The following ABHD17C variants were observed in gnomAD, a reference collection of about 807,000 sequenced individuals.
The protein encoded by ABHD17C is alpha/beta hydrolase domain-containing protein 17C.
Under a neutral mutation model 27.9 loss-of-function variants are expected in ABHD17C, and 11 were observed. The observed-to-expected ratio is 0.39, with a 90% confidence interval of 0.25 to 0.65. The LOEUF is 0.65. ABHD17C is among the 30% of genes least tolerant of loss of function. The probability of loss-of-function intolerance (pLI) is 0.45; values close to 1 mark genes in which losing one functional copy is unlikely to be tolerated. For synonymous variants in ABHD17C, 233 were observed against 209.1 expected (o/e 1.11, Z -0.98); for missense variants, 280 against 470.2 (o/e 0.60, Z 3.74).
At chr15:80,699,779 G>A (rs2141488002) in intron 1 of ABHD17C, among the ~76,000 whole-genome samples, 1 of 152,326 alleles carries the variant, frequency 6.6e-6, no homozygotes, top group East Asian at 1.9e-4. Flanking sequence ...TTGGCCAATA[G>A]ATGATTATTT....
rs550253104 is a variant in ABHD17C, at chr15:80,701,635, T to C, written c.590+5616T>C. Among the ~76,000 whole-genome samples, 334 of 149,420 alleles carry C rather than the reference T, an allele frequency of 2.2e-3. 1 individual carries two copies. Among genetic ancestry groups the C allele is most frequent in the African/African-American group, 7.9e-3 (319 of 40,440 alleles). Reference sequence around the variant, plus strand: ...CAGAGGTTGCAGTGAGCCAAGATTATGCCACTGCACTCCAGCCTGGGCGAC... The same window carrying C: ...CAGAGGTTGCAGTGAGCCAAGATTACGCCACTGCACTCCAGCCTGGGCGAC... On this transcript the variant is annotated intron_variant, in intron 1 of 2. Transcript: ENST00000258884.
At chr15:80,700,062 T>C (rs1043632133) in intron 1 of ABHD17C, among the ~76,000 whole-genome samples, 4 of 151,986 alleles carry the variant, frequency 2.6e-5, no homozygotes, top group Non-Finnish European at 4.4e-5. Context: ...GTCACTTGAG[T>C]TGGGGAAGTA....
At chr15:80,716,581 A>G in intron 1 of ABHD17C, among the ~76,000 whole-genome samples, 1 of 152,178 alleles carries the variant, frequency 6.6e-6, no homozygotes, top group African/African-American at 2.4e-5. Flanking sequence ...TGCCATTAAT[A>G]AAGGAAATCA....
intron 2 of ABHD17C, 66 bp from the exon 3 acceptor site, chr15:80,754,085 A>T (rs1895400435): frequency 8.3e-7 from 1 of 1,200,352 alleles, no homozygotes; most frequent in Non-Finnish European, 1.2e-6. Flanking sequence ...ATTAAATGTG[A>T]TGTGTATTAT....
chr15:80,715,917 C>G (rs1044335171), intron 1 of ABHD17C, among the ~76,000 whole-genome samples: 2 of 151,496 alleles, frequency 1.3e-5, no homozygotes, highest in Non-Finnish European at 2.9e-5. Context: ...CCTATTTGAC[C>G]TGAAAAAAAA....
chr15:80,731,720 A>G (rs1375273321), intron 1 of ABHD17C, among the ~76,000 whole-genome samples: 1 of 152,082 alleles, frequency 6.6e-6, no homozygotes, highest in African/African-American at 2.4e-5. Context: ...TAAAAGACAA[A>G]TTTTACTGTT....
chr15:80,754,350 C>T lies in ABHD17C; in HGVS notation c.970C>T (p.His324Tyr), dbSNP rs921592774. Residue 324 changes from histidine to tyrosine, a missense_variant, in exon 3 of 3, where the codon CAC becomes TAC. His to Tyr is a moderately conservative substitution (Grantham distance 83). This residue lies in a region of ABHD17C where 206 missense variants were observed against 394.7 expected (regional missense o/e 0.52). Coordinates refer to ENST00000258884, the MANE Select transcript of ABHD17C (RefSeq NM_021214.2). The stretch of plus-strand genomic sequence containing the variant: ...AGAAAGACTAAAACAGTTCATATCT[C>T]ACGAACTTCCTAATTCCTGAAGACA... ...YLERLKQFIS[H>Y]ELPNS is the part of the protein sequence containing the mutation. The T allele has an allele frequency of 1.2e-6, 2 of 1,613,104 alleles. No individual in the cohort carries two copies. The highest frequency in any genetic ancestry group is 2.7e-5 in the African/African-American group (2 of 75,034).
At chr15:80,726,996 G>A (rs1352909923) in intron 1 of ABHD17C, among the ~76,000 whole-genome samples, 1 of 152,206 alleles carries the variant, frequency 6.6e-6, no homozygotes, top group African/African-American at 2.4e-5. Flanking sequence ...AGTGCTGGGA[G>A]TTGAAATAAG....
At chr15:80,728,731 A>G (rs1354967796) in intron 1 of ABHD17C, among the ~76,000 whole-genome samples, 2 of 152,228 alleles carry the variant, frequency 1.3e-5, no homozygotes, top group East Asian at 1.9e-4. Context: ...ATAAAAGGGC[A>G]TCTCCTCCCA....
At chr15:80,745,660 C>T (rs182212618) in intron 1 of ABHD17C, among the ~76,000 whole-genome samples, 163 of 152,288 alleles carry the variant, frequency 1.1e-3, no homozygotes, top group African/African-American at 3.7e-3. Flanking sequence ...AGCCATCGCG[C>T]CCAGCCTTAA....
At chr15:80,753,045 GGTGT>G (rs1895385029) in intron 2 of ABHD17C, among the ~76,000 whole-genome samples, 1 of 152,076 alleles carries the variant, frequency 6.6e-6, no homozygotes, top group African/African-American at 2.4e-5. Flanking sequence ...TATGAAATGG[GGTGT>G]GTATCTTTGA....
intron 1 of ABHD17C, among the ~76,000 whole-genome samples, chr15:80,739,318 C>T (rs1331980120): frequency 6.6e-6 from 1 of 152,200 alleles, no homozygotes; most frequent in Admixed American, 6.5e-5. Flanking sequence ...CTCCATTAAC[C>T]ATGCCTTAGC....
At chr15:80,746,772 G>A (rs115823681) in intron 1 of ABHD17C, among the ~76,000 whole-genome samples, 53 of 152,260 alleles carry the variant, frequency 3.5e-4, no homozygotes, top group African/African-American at 1.2e-3. Flanking sequence ...CTCTTGGGTC[G>A]GTGCCTGTTC....
intron 1 of ABHD17C, among the ~76,000 whole-genome samples, chr15:80,700,385 G>A (rs916378944): frequency 2.6e-5 from 4 of 152,174 alleles, no homozygotes; most frequent in African/African-American, 2.4e-5. Context: ...GTCTGCTGAT[G>A]CCATCCACAG....
At chr15:80,752,988 A>C (rs1227844279) in intron 2 of ABHD17C, among the ~76,000 whole-genome samples, 1 of 152,206 alleles carries the variant, frequency 6.6e-6, no homozygotes, top group East Asian at 1.9e-4. Flanking sequence ...TTAAGTTTTC[A>C]AGCTAAATAG....
At chr15:80,725,746 G>A (rs1342365233) in intron 1 of ABHD17C, among the ~76,000 whole-genome samples, 1 of 152,160 alleles carries the variant, frequency 6.6e-6, no homozygotes, top group Non-Finnish European at 1.5e-5. Context: ...TTGAACTCCT[G>A]TGATCCTCCC....
chr15:80,745,818 T>C (rs1345496870), intron 1 of ABHD17C, among the ~76,000 whole-genome samples: 1 of 152,240 alleles, frequency 6.6e-6, no homozygotes, highest in Non-Finnish European at 1.5e-5. Flanking sequence ...ATGTACATAT[T>C]CTACAGCACA....
At chr15:80,749,464 C>G (rs762068312) in intron 1 of ABHD17C, 49 bp from the exon 2 acceptor site, 1 of 1,583,106 alleles carries the variant, frequency 6.3e-7, no homozygotes, top group South Asian at 1.2e-5. Flanking sequence ...GTCCCTTTCT[C>G]TCTTTCTTCA....
intron 1 of ABHD17C, among the ~76,000 whole-genome samples, chr15:80,730,354 C>G (rs1377416987): frequency 1.3e-5 from 2 of 152,202 alleles, no homozygotes; most frequent in Non-Finnish European, 2.9e-5. Context: ...CCTATGCCCT[C>G]CCTGAGTTCC....
Sources: gnomAD v4.1 joint callset for allele counts (sites outside exome capture counted in the v4.1 genomes callset) on GRCh38, gnomAD v4.1.1 for gene constraint, gnomAD v4.1.1 regional missense constraint, MANE v1.5 for transcripts, NCBI Gene and HGNC (gene_info 2026-07-23, HGNC 2026-07-21) for gene names.